CUEDC1: variants seen among roughly 807,000 people sequenced by gnomAD.
The protein encoded by CUEDC1 is CUE domain-containing protein 1.
In CUEDC1, 30 loss-of-function variants were observed where a neutral mutation model predicts 43.7. The observed-to-expected ratio is 0.69, with a 90% CI of 0.51 to 0.93. The LOEUF is 0.93. Among genes scored for constraint, CUEDC1 ranks in the 40% least tolerant of loss-of-function variants. The pLI is 0.00. For synonymous variants in CUEDC1, 223 were observed against 223.6 expected, an observed-to-expected ratio of 1.00 and a Z score of 0.02; for missense variants, 486 against 549.0, an observed-to-expected ratio of 0.89 and a Z score of 1.15.
intron 1 of CUEDC1, among the ~76,000 whole-genome samples, chr17:57,942,795 G>A (rs1440551211): frequency 1.3e-5 from 2 of 151,850 alleles, no homozygotes; most frequent in South Asian, 2.1e-4. Context: ...TTGGGAGGCC[G>A]AGGCGGGTGG....
intron 1 of CUEDC1, among the ~76,000 whole-genome samples, chr17:57,886,214 G>A (rs1462483406): frequency 6.6e-6 from 1 of 152,188 alleles, no homozygotes; most frequent in Non-Finnish European, 1.5e-5. Flanking sequence ...CTGAGTTAGT[G>A]GAGGAGCCAG....
Position 57,867,338 on chromosome 17 carries a change from G to A in CUEDC1, c.1093+19C>T, listed in dbSNP as rs760711092. ...CGATCATAGAGAAGTTGGAGCTTAC[G>A]ACTCCCCTCCAGCCTCACCACACGC... On this transcript the variant is annotated intron_variant, in intron 9 of 10. Coordinates refer to ENST00000577830, the MANE Select transcript of CUEDC1 (RefSeq NM_001271875.2). 39 of 1,550,508 alleles carry A rather than the reference G, an allele frequency of 2.5e-5. No individual in the cohort carries two copies. Among genetic ancestry groups the A allele is most frequent in the South Asian group, 1.7e-4 (14 of 84,046 alleles).
intron 1 of CUEDC1, among the ~76,000 whole-genome samples, chr17:57,929,088 T>C (rs1333254637): frequency 2.0e-5 from 3 of 152,202 alleles, no homozygotes; most frequent in African/African-American, 7.2e-5. Flanking sequence ...GTTCCTTAAC[T>C]GAGGCCATTG....
At chr17:57,868,430 A>G in intron 7 of CUEDC1, 187 bp from the exon 8 acceptor site, 1 of 609,060 alleles carries the variant, frequency 1.6e-6, no homozygotes, top group South Asian at 1.9e-5. Context: ...CCACCCCAGG[A>G]GCAAGAGGCT....
rs1339143363 is a variant in CUEDC1 at position 57,954,185 on chromosome 17, C to A, written c.-316+1040G>T. ...CCTGGGCCAGGTGGCTCAGGTGCTG[C>A]GGGATCACCCAGGGAAGGCTCATTC... On this transcript the variant is annotated intron_variant, in intron 1 of 10. Transcript: ENST00000577830. The surrounding 1 kb of genome is among the most constrained non-coding windows in gnomAD (Gnocchi z 4.3). 6.6e-6 allele frequency among the ~76,000 whole-genome samples: 1 copy of A among 152,166 alleles called. No homozygotes were observed. Among genetic ancestry groups the A allele is most frequent in the Non-Finnish European group, 1.5e-5 (1 of 68,030 alleles).
intron 1 of CUEDC1, among the ~76,000 whole-genome samples, chr17:57,893,557 G>A (rs915845551): frequency 2.0e-5 from 3 of 152,184 alleles, no homozygotes; most frequent in African/African-American, 4.8e-5. Context: ...CACAGCTGCC[G>A]GGGCTGCAAC....
intron 1 of CUEDC1, among the ~76,000 whole-genome samples, chr17:57,931,505 G>A (rs184810846): frequency 1.3e-5 from 2 of 152,238 alleles, no homozygotes; most frequent in East Asian, 1.9e-4. Flanking sequence ...AGCAAAAAAG[G>A]GGTCATGAGG....
chr17:57,922,401 A>G (rs1398666146), intron 1 of CUEDC1: 1 of 152,200 alleles, frequency 6.6e-6, no homozygotes, highest in African/African-American at 2.4e-5. Flanking sequence ...TCTAGGAGAC[A>G]TGAATCTGGG....
intron 6 of CUEDC1, among the ~76,000 whole-genome samples, chr17:57,870,541 T>C (rs1290178167): frequency 2.6e-5 from 4 of 152,242 alleles, no homozygotes; most frequent in Non-Finnish European, 5.9e-5. Context: ...CTAAAATCAG[T>C]AAGTCCTCAG....
chr17:57,896,487 G>GGTGGGT (rs2074410680), intron 1 of CUEDC1, among the ~76,000 whole-genome samples: 2 of 130,282 alleles, frequency 1.5e-5, no homozygotes, highest in Non-Finnish European at 3.2e-5. Context: ...TGCATTATGG[G>GGTGGGT]GTGTGTGTGT....
At position 57,930,484 on chromosome 17, in the gene CUEDC1, A is replaced by T. The variant is rs1038769351; in HGVS notation, c.-316+24741T>A. Among the ~76,000 whole-genome samples, 1 of 152,210 alleles carries T rather than the reference A, an allele frequency of 6.6e-6. No individual in the cohort carries two copies. Among genetic ancestry groups the T allele is most frequent in the Admixed American group, 6.5e-5 (1 of 15,280 alleles). On this transcript the variant is annotated intron_variant, in intron 1 of 10. Transcript: ENST00000577830. This position sits in a 1 kb window ranked among gnomAD's most constrained non-coding sequence, Gnocchi z 4.2. ...CTCTCCGTCCCAGGGGTTTAACAGA[A>T]GGCAGAGAAAAGCAGCTCAGAAGCA...
intron 1 of CUEDC1, among the ~76,000 whole-genome samples, chr17:57,953,079 A>G (rs149645425): frequency 6.6e-6 from 1 of 152,120 alleles, no homozygotes; most frequent in African/African-American, 2.4e-5. Context: ...AGCCTTGGAC[A>G]ATTCTGCCCC....
At chr17:57,905,368 C>CGCTG (rs1286221310) in intron 1 of CUEDC1, among the ~76,000 whole-genome samples, 1 of 152,078 alleles carries the variant, frequency 6.6e-6, no homozygotes, top group Non-Finnish European at 1.5e-5. Flanking sequence ...CCTGGCTGCG[C>CGCTG]GCTGCCTGCG....
chr17:57,896,236 G>C (rs1227755837), intron 1 of CUEDC1, among the ~76,000 whole-genome samples: 1 of 152,130 alleles, frequency 6.6e-6, no homozygotes, highest in Non-Finnish European at 1.5e-5. Flanking sequence ...GTTTGCAACT[G>C]TGTTGAGTAT....
At chr17:57,908,408 G>C (rs2074550166) in intron 1 of CUEDC1, among the ~76,000 whole-genome samples, 1 of 152,164 alleles carries the variant, frequency 6.6e-6, no homozygotes, top group African/African-American at 2.4e-5. Flanking sequence ...GCACACCCAA[G>C]TAGGGCCCCA....
chr17:57,944,402 G>T (rs1232585656), intron 1 of CUEDC1, among the ~76,000 whole-genome samples: 1 of 151,936 alleles, frequency 6.6e-6, no homozygotes, highest in African/African-American at 2.4e-5. Context: ...TAGAGACAGG[G>T]TTTCTCCATA....
Position 57,930,964 on chromosome 17 carries a change from T to A in CUEDC1, c.-316+24261A>T, listed in dbSNP as rs1260394424. ...TAGTGCCAACCTCAGTCTCTCCTAG[T>A]TCCATTTCTGGCACAAGGACTGAAT... is the stretch of plus-strand genomic sequence containing the variant. On this transcript the variant is annotated intron_variant, in intron 1 of 10. Coordinates refer to ENST00000577830, the MANE Select transcript of CUEDC1 (RefSeq NM_001271875.2). The surrounding 1 kb of genome is among the most constrained non-coding windows in gnomAD (Gnocchi z 4.2). Among the ~76,000 whole-genome samples the A allele has an allele frequency of 6.6e-6, 1 of 152,122 alleles. No homozygotes were observed. Among genetic ancestry groups the A allele is most frequent in the Non-Finnish European group, 1.5e-5 (1 of 68,012 alleles).
intron 1 of CUEDC1, among the ~76,000 whole-genome samples, chr17:57,898,783 G>A (rs1051020418): frequency 6.6e-6 from 1 of 152,202 alleles, no homozygotes; most frequent in Non-Finnish European, 1.5e-5. Context: ...CAGGACCTCA[G>A]GCTGAGAGGG....
Position 57,879,665 on chromosome 17 carries a change from T to G in CUEDC1, c.410A>C (p.His137Pro). The G allele has an allele frequency of 1.2e-6, 2 of 1,602,948 alleles. No homozygotes were observed. The highest frequency in any genetic ancestry group is 1.1e-5 in the South Asian group (1 of 89,280). ...GTAGGGCCGGTCGAACACGTGCATG[T>G]GGTAGGCTGGCGGGGAGTACACAGG... ...PPPVYSPPAY[H>P]MHVFDRPYPL... Residue 137 changes from histidine (H) to proline (P), a missense_variant, in exon 3 of 11, where the codon CAC becomes CCC. Physicochemically the swap from His to Pro is moderately conservative, Grantham distance 77. Coordinates refer to ENST00000577830, the MANE Select transcript of CUEDC1 (RefSeq NM_001271875.2).
Sources: gnomAD v4.1 joint callset for allele counts (sites outside exome capture counted in the v4.1 genomes callset) on GRCh38, gnomAD v4.1.1 for gene constraint, Gnocchi (gnomAD v3.1) non-coding constraint, MANE v1.5 for transcripts, NCBI Gene and HGNC (gene_info 2026-07-23, HGNC 2026-07-21) for gene names.